ANKRD6: variants seen among roughly 807,000 people sequenced by gnomAD.
ANKRD6 encodes ankyrin repeat domain-containing protein 6.
ANKRD6 carries 56 observed loss-of-function variants against 82.3 expected under a neutral mutation model. That is an observed-to-expected ratio of 0.68 (90% CI 0.55 to 0.85). The LOEUF is 0.85. Among genes scored for constraint, ANKRD6 ranks in the 40% least tolerant of loss-of-function variants. ANKRD6 has a pLI of 0.00. For synonymous variants in ANKRD6, 347 were observed against 352.1 expected (o/e 0.99, Z 0.16); for missense variants, 852 against 907.6 (o/e 0.94, Z 0.79).
At chr6:89,613,280 A>T (rs1800683974) in intron 6 of ANKRD6, among the ~76,000 whole-genome samples, 4 of 152,142 alleles carry the variant, frequency 2.6e-5, no homozygotes, top group Admixed American at 2.6e-4. Context: ...TTGGGGTCCA[A>T]CTGAAGTGGG....
At chr6:89,464,860 C>T (rs995000656) in intron 1 of ANKRD6, among the ~76,000 whole-genome samples, 10 of 152,016 alleles carry the variant, frequency 6.6e-5, no homozygotes, top group South Asian at 2.1e-4. Context: ...CTGCCACATG[C>T]GGCATAAGAT....
Position 89,630,680 on chromosome 6 carries a change from T to A in ANKRD6, c.1860T>A (p.Thr620=). 3 of 1,613,884 alleles carry A rather than the reference T, an allele frequency of 1.9e-6. No homozygotes were observed. The highest frequency in any genetic ancestry group is 2.5e-6 in the Non-Finnish European group (3 of 1,179,866). ...AGPCVNRGTQ[T]KKSGKSGPTR... Reference sequence around the variant, plus strand: ...CCTGCGTCAACAGAGGCACTCAAACTAAGAAGTCTGGGAAGAGTGGGCCAA... The same window carrying A: ...CCTGCGTCAACAGAGGCACTCAAACAAAGAAGTCTGGGAAGAGTGGGCCAA... The change falls in exon 16 of 16, where the codon ACT becomes ACA. Residue 620 remains threonine, a synonymous_variant. Transcript: ENST00000339746.
At chr6:89,629,514 G>A (rs1279666166) in intron 15 of ANKRD6, 7 of 430,532 alleles carry the variant, frequency 1.6e-5, no homozygotes, top group East Asian at 5.4e-5. Flanking sequence ...AGTGTTGATA[G>A]TATCAGAGTG....
intron 1 of ANKRD6, among the ~76,000 whole-genome samples, chr6:89,456,085 G>T (rs1773477426): frequency 6.6e-6 from 1 of 152,118 alleles, no homozygotes; most frequent in Non-Finnish European, 1.5e-5. Flanking sequence ...ATGTTGGCCA[G>T]GCTGGTCTGG....
rs188930580 is a variant in ANKRD6, at chr6:89,474,621, G to A, written c.-144+41246G>A. The stretch of plus-strand genomic sequence containing the variant: ...TTTAGTAGAGACGGGGTTTCACTGT[G>A]TTAGCCAGGATGGTTTCGATCTCCT... On this transcript the variant is annotated intron_variant, in intron 1 of 15. Coordinates refer to ENST00000339746, the MANE Select transcript of ANKRD6 (RefSeq NM_001242809.2). Among the ~76,000 whole-genome samples the A allele has an allele frequency of 1.1e-3, 161 of 152,288 alleles. 6 individuals are homozygous for A. The East Asian group carries it at 0.026, about 25-fold the overall frequency.
At chr6:89,545,956 C>T (rs1481500913) in intron 1 of ANKRD6, among the ~76,000 whole-genome samples, 3 of 152,144 alleles carry the variant, frequency 2.0e-5, no homozygotes, top group African/African-American at 7.2e-5. Flanking sequence ...AGGTGCCCAC[C>T]ACCACGCCTG....
chr6:89,537,879 CAAAAAAAAAA>C (rs55864526), intron 1 of ANKRD6, among the ~76,000 whole-genome samples: 1 of 110,814 alleles, frequency 9.0e-6, no homozygotes, highest in African/African-American at 3.6e-5. Flanking sequence ...GACAATGTCT[CAAAAAAAAAA>C]AAAAAAAAAA....
chr6:89,503,337 GAGAGGACAGAAAGCCATT>G (rs1338896234), intron 1 of ANKRD6, among the ~76,000 whole-genome samples: 1 of 152,212 alleles, frequency 6.6e-6, no homozygotes, highest in Non-Finnish European at 1.5e-5. Context: ...CTCTTGGGCA[GAGAGGACAGAAAGCCATT>G]AGAGGACAGA....
At chr6:89,561,547 CA>C (rs1355022572) in intron 1 of ANKRD6, 1 of 152,146 alleles carries the variant, frequency 6.6e-6, no homozygotes, top group Non-Finnish European at 1.5e-5. Context: ...GAAAATGAAC[CA>C]CTCCTTGCTT....
intron 2 of ANKRD6, among the ~76,000 whole-genome samples, chr6:89,586,548 G>A (rs560088666): frequency 2.4e-4 from 37 of 152,212 alleles, no homozygotes; most frequent in Middle Eastern, 3.4e-3. Context: ...TTAGCAGGGC[G>A]TGGTGTCACA....
Position 89,531,724 on chromosome 6 carries a change from G to A in ANKRD6, c.-143-35110G>A, listed in dbSNP as rs1429434046. On this transcript the variant is annotated intron_variant, in intron 1 of 15. Transcript: ENST00000339746. ...CCATGACTTACCTGCCAGTATCATC[G>A]GACCTTTGGGTGGCCCACACTACCA... Among the ~76,000 whole-genome samples, 13 of 152,246 alleles carry A rather than the reference G, an allele frequency of 8.5e-5. 1 individual carries two copies. The highest frequency in any genetic ancestry group is 4.1e-4 in the South Asian group (2 of 4,824).
At chr6:89,616,922 T>C (rs1393753552) in intron 8 of ANKRD6, 1 of 610,986 alleles carries the variant, frequency 1.6e-6, no homozygotes, top group Non-Finnish European at 3.1e-6. Context: ...AACTCAGGGA[T>C]GTCCAGTTAA....
chr6:89,625,737 CTTTTTTTTTTTTT>C (rs370616881), intron 13 of ANKRD6, among the ~76,000 whole-genome samples: 21,693 of 140,174 alleles, frequency 0.15, 1,798 homozygotes, highest in South Asian at 0.2. Context: ...TTTGTTACAA[CTTTTTTTTTTTTT>C]TTTTTTTAGA....
intron 1 of ANKRD6, among the ~76,000 whole-genome samples, chr6:89,480,956 T>TAGAAGA (rs757399536): frequency 1.9e-5 from 1 of 53,382 alleles, no homozygotes; most frequent in African/African-American, 7.2e-5. Flanking sequence ...AAAAAAAAAA[T>TAGAAGA]AGAAGAAGAA....
chr6:89,480,564 G>A (rs139471504), intron 1 of ANKRD6, among the ~76,000 whole-genome samples: 40 of 149,676 alleles, frequency 2.7e-4, no homozygotes, highest in African/African-American at 8.5e-4. Flanking sequence ...TGTATATTTT[G>A]TATATATAGT....
At chr6:89,460,310 TTTTTTC>T (rs1351662239) in intron 1 of ANKRD6, among the ~76,000 whole-genome samples, 2 of 144,884 alleles carry the variant, frequency 1.4e-5, no homozygotes, top group Non-Finnish European at 3.2e-5. Context: ...GATCCTGACT[TTTTTTC>T]TTTTTAAGAG....
At chr6:89,527,349 CT>C (rs1782613198) in intron 1 of ANKRD6, among the ~76,000 whole-genome samples, 1 of 151,958 alleles carries the variant, frequency 6.6e-6, no homozygotes, top group Non-Finnish European at 1.5e-5. Context: ...AATCCCAGCA[CT>C]TTGGGAGGTG....
chr6:89,602,339 C>T (rs923691990), intron 3 of ANKRD6: 12 of 152,252 alleles, frequency 7.9e-5, no homozygotes, highest in African/African-American at 2.9e-4. Context: ...GAGTCAAGTT[C>T]CCTTTGGCGC....
intron 1 of ANKRD6, among the ~76,000 whole-genome samples, chr6:89,481,591 C>T (rs959694032): frequency 6.6e-6 from 1 of 152,148 alleles, no homozygotes; most frequent in African/African-American, 2.4e-5. Flanking sequence ...TGTGCATTTC[C>T]TCTGTTGACT....
Sources: gnomAD v4.1 joint callset for allele counts (sites outside exome capture counted in the v4.1 genomes callset) on GRCh38, gnomAD v4.1.1 for gene constraint, MANE v1.5 for transcripts, NCBI Gene and HGNC (gene_info 2026-07-23, HGNC 2026-07-21) for gene names.